The following CSMD3 variants were observed in gnomAD, a reference collection of about 807,000 sequenced individuals.
CSMD3 encodes the protein CUB and sushi domain-containing protein 3.
Under a neutral mutation model 435.2 loss-of-function variants are expected in CSMD3, and 177 were observed. That is an observed-to-expected ratio of 0.41 (90% CI 0.36 to 0.46). The LOEUF is 0.46. Ranked by LOEUF, CSMD3 falls within the 20% of genes least tolerant of loss-of-function variation. The pLI, the probability that CSMD3 is intolerant of heterozygous loss-of-function variation, is 0.34. For synonymous variants in CSMD3, 1,656 were observed against 1,520.5 expected (o/e 1.09, Z -2.07); for missense variants, 4,265 against 4,504.6 (o/e 0.95, Z 1.52).
At chr8:113,057,165 C>A (rs2088377989) in intron 5 of CSMD3, among the ~76,000 whole-genome samples, 1 of 152,152 alleles carries the variant, frequency 6.6e-6, no homozygotes, top group Non-Finnish European at 1.5e-5. Context: ...TAGGCCCTCC[C>A]TACTGCAGTT....
intron 7 of CSMD3, among the ~76,000 whole-genome samples, chr8:112,975,064 C>T (rs980178941): frequency 3.3e-5 from 5 of 151,578 alleles, no homozygotes; most frequent in Middle Eastern, 3.4e-3. Flanking sequence ...TCCTAAACTT[C>T]TCTATGACAC....
chr8:112,335,965 T>C (rs147116452), intron 44 of CSMD3, among the ~76,000 whole-genome samples: 115 of 152,194 alleles, frequency 7.6e-4, no homozygotes, highest in African/African-American at 2.7e-3. Flanking sequence ...CATGCTGGAG[T>C]GCAGTAGGAT....
chr8:112,302,163 G>C (rs1280157789), intron 52 of CSMD3, among the ~76,000 whole-genome samples, 197 bp from the exon 53 acceptor site: 1 of 151,340 alleles, frequency 6.6e-6, no homozygotes, highest in Non-Finnish European at 1.5e-5. Flanking sequence ...CCCTCTTTAA[G>C]TCCCCATAGA....
intron 13 of CSMD3, among the ~76,000 whole-genome samples, chr8:112,698,618 T>C (rs140826872): frequency 6.6e-6 from 1 of 152,074 alleles, no homozygotes; most frequent in Non-Finnish European, 1.5e-5. Flanking sequence ...CAAAAGGACA[T>C]AGAGGCCAGC....
intron 1 of CSMD3, among the ~76,000 whole-genome samples, chr8:113,372,665 G>A (rs1183117403): frequency 3.9e-5 from 6 of 152,054 alleles, no homozygotes; most frequent in African/African-American, 1.4e-4. Flanking sequence ...CGGGCGCGGT[G>A]GCTCACGCCT....
intron 24 of CSMD3, among the ~76,000 whole-genome samples, chr8:112,564,948 G>C (rs1828947396): frequency 6.6e-6 from 1 of 151,914 alleles, no homozygotes; most frequent in Non-Finnish European, 1.5e-5. Context: ...TCTTCAACTT[G>C]CCAGAAATTA....
chr8:113,223,618 T>TATAC (rs1384055483), intron 3 of CSMD3, among the ~76,000 whole-genome samples: 2 of 125,196 alleles, frequency 1.6e-5, no homozygotes, highest in Non-Finnish European at 3.4e-5. Context: ...ACTTGTCAAG[T>TATAC]ATACATATAT....
At chr8:112,366,473 C>G (rs1386814922) in intron 38 of CSMD3, among the ~76,000 whole-genome samples, 1 of 152,228 alleles carries the variant, frequency 6.6e-6, no homozygotes, top group Non-Finnish European at 1.5e-5. Context: ...TCTCGGCGCA[C>G]TGCAACCTCT....
intron 28 of CSMD3, among the ~76,000 whole-genome samples, chr8:112,507,753 G>GT (rs548658813): frequency 6.6e-6 from 1 of 152,172 alleles, no homozygotes; most frequent in Non-Finnish European, 1.5e-5. Context: ...CCTTGCATGA[G>GT]TTGAGATATG....
intron 24 of CSMD3, among the ~76,000 whole-genome samples, chr8:112,561,775 A>C (rs1406292919): frequency 6.6e-6 from 1 of 151,704 alleles, no homozygotes; most frequent in Non-Finnish European, 1.5e-5. Flanking sequence ...AGTGTTTTGC[A>C]AGTGTTCATA....
chr8:112,294,934 C>T (rs180879526), intron 54 of CSMD3, among the ~76,000 whole-genome samples: 44 of 151,780 alleles, frequency 2.9e-4, no homozygotes, highest in African/African-American at 9.7e-4. Flanking sequence ...TTTTGAGGAA[C>T]GGGTGGTGTT....
intron 5 of CSMD3, among the ~76,000 whole-genome samples, chr8:113,047,751 T>C (rs1331105551): frequency 1.3e-5 from 2 of 152,234 alleles, no homozygotes; most frequent in Non-Finnish European, 2.9e-5. Context: ...CTCCAGACAG[T>C]TGCAGAATAA....
chr8:113,108,452 T>A (rs1025373726), intron 4 of CSMD3, among the ~76,000 whole-genome samples: 1 of 151,684 alleles, frequency 6.6e-6, no homozygotes, highest in Admixed American at 6.6e-5. Flanking sequence ...GTTATGTATG[T>A]TGCAGGTCAA....
At chr8:112,675,562 A>G (rs1473090236) in intron 16 of CSMD3, among the ~76,000 whole-genome samples, 1 of 152,130 alleles carries the variant, frequency 6.6e-6, no homozygotes, top group African/African-American at 2.4e-5. Flanking sequence ...AGCAGAAAGC[A>G]TATATACATC....
chr8:113,232,480 G>A lies in CSMD3; in HGVS notation c.514+46112C>T, dbSNP rs145190802. On this transcript the variant is annotated intron_variant, in intron 3 of 70. Coordinates refer to ENST00000297405, the MANE Select transcript of CSMD3 (RefSeq NM_198123.2). ...TCTCACTCTGTAATTCTAAGGGGAA[G>A]CCTAATATTTTCATTGTTAATAAGT... Among the ~76,000 whole-genome samples the A allele has an allele frequency of 1.7e-3, 259 of 151,742 alleles. 1 individual carries two copies. The highest frequency in any genetic ancestry group is 6.0e-3 in the African/African-American group (247 of 41,510).
chr8:112,534,643 C>A (rs1210054607), intron 27 of CSMD3, among the ~76,000 whole-genome samples: 1 of 151,964 alleles, frequency 6.6e-6, no homozygotes, highest in South Asian at 2.1e-4. Flanking sequence ...CTATTCCAAT[C>A]AATAGAAAAA....
At chr8:112,761,817 TATGTGTATGTGC>T (rs2077845759) in intron 13 of CSMD3, among the ~76,000 whole-genome samples, 1 of 152,050 alleles carries the variant, frequency 6.6e-6, no homozygotes, top group East Asian at 1.9e-4. Context: ...TATATATGTG[TATGTGTATGTGC>T]ATGTGTATGT....
At chr8:112,738,356 A>G (rs1587130565) in intron 13 of CSMD3, among the ~76,000 whole-genome samples, 2 of 151,780 alleles carry the variant, frequency 1.3e-5, no homozygotes, top group African/African-American at 4.8e-5. Flanking sequence ...TAAGTGTTCA[A>G]TAATAACATT....
chr8:112,802,681 G>C (rs2078987201), intron 12 of CSMD3, among the ~76,000 whole-genome samples: 1 of 151,812 alleles, frequency 6.6e-6, no homozygotes, highest in Non-Finnish European at 1.5e-5. Context: ...ACTTGGTAAA[G>C]AGGATTGGGA....
Sources: allele counts gnomAD v4.1 joint callset (sites outside exome capture counted in the v4.1 genomes callset), GRCh38; gene constraint gnomAD v4.1.1; transcripts MANE v1.5; gene names NCBI Gene and HGNC (gene_info 2026-07-23, HGNC 2026-07-21).